The following RAB28 variants were observed in gnomAD, a reference collection of about 807,000 sequenced individuals.
RAB28 encodes ras-related protein Rab-28.
Under a neutral mutation model 31.7 loss-of-function variants are expected in RAB28, and 24 were observed. The observed-to-expected ratio is 0.76, with a 90% CI of 0.55 to 1.06. The LOEUF (loss-of-function observed/expected upper bound fraction) is 1.06, where lower values mean the gene tolerates loss of function less well. Ranked by LOEUF, RAB28 falls within the 50% of genes least tolerant of loss-of-function variation. The pLI is 0.00. For missense variants in RAB28, 254 were observed against 258.5 expected, an observed-to-expected ratio of 0.98 and a Z score of 0.12; for synonymous variants, 100 against 90.4, an observed-to-expected ratio of 1.11 and a Z score of -0.60.
chr4:13,455,223 T>C (rs1715231908), intron 4 of RAB28, among the ~76,000 whole-genome samples: 1 of 152,126 alleles, frequency 6.6e-6, no homozygotes, highest in South Asian at 2.1e-4. Context: ...TCTCCGGACC[T>C]GGGCACAGAC....
chr4:13,375,768 A>ACAC (rs1728894857), intron 6 of RAB28, among the ~76,000 whole-genome samples: 66 of 148,166 alleles, frequency 4.5e-4, no homozygotes, highest in African/African-American at 1.5e-3. Context: ...ATTGTTTTAA[A>ACAC]ACACACACAC....
Position 13,461,142 on chromosome 4 carries a change from G to A in RAB28, c.262-314C>T, listed in dbSNP as rs191694880. 1.7e-3 allele frequency among the ~76,000 whole-genome samples: 257 copies of A among 152,256 alleles called. 5 individuals carry two copies. The highest frequency in any genetic ancestry group is 3.5e-3 in the Admixed American group (53 of 15,298). ...GTAAATATAAGAAAATCATATCAAA[G>A]AAGTAGAAAAGGCTACAACATCTAC... On this transcript the variant is annotated intron_variant, in intron 3 of 6. Coordinates refer to ENST00000330852, the MANE Select transcript of RAB28 (RefSeq NM_001017979.3).
chr4:13,371,331 T>C, intron 6 of RAB28: 2 of 985,304 alleles, frequency 2.0e-6, no homozygotes, highest in African/African-American at 3.5e-5. Context: ...TATACCATTA[T>C]CTAACCTCCC....
At chr4:13,460,941 G>A in intron 3 of RAB28, 113 bp from the exon 4 acceptor site, 1 of 981,126 alleles carries the variant, frequency 1.0e-6, no homozygotes, top group Non-Finnish European at 1.5e-6. Flanking sequence ...ATACAAATGT[G>A]TAGTGTTTTA....
chr4:13,453,923 T>A (rs1185331342), intron 4 of RAB28, among the ~76,000 whole-genome samples: 2 of 152,208 alleles, frequency 1.3e-5, no homozygotes, highest in Non-Finnish European at 2.9e-5. Flanking sequence ...TTCCTACAAC[T>A]TGTCTCTTCT....
chr4:13,470,508 T>C (rs1325509053), intron 3 of RAB28, among the ~76,000 whole-genome samples: 1 of 152,064 alleles, frequency 6.6e-6, no homozygotes, highest in Non-Finnish European at 1.5e-5. Context: ...ATAGTAGTTA[T>C]GTTCTACCTC....
chr4:13,447,601 C>T (rs1425328203), intron 4 of RAB28, among the ~76,000 whole-genome samples: 2 of 152,008 alleles, frequency 1.3e-5, no homozygotes, highest in African/African-American at 4.8e-5. Flanking sequence ...ACTTCAGGAA[C>T]AATTTAAATT....
intron 4 of RAB28, among the ~76,000 whole-genome samples, chr4:13,436,279 C>T (rs1339225940): frequency 6.6e-6 from 1 of 152,048 alleles, no homozygotes; most frequent in African/African-American, 2.4e-5. Context: ...GGAAGCAATC[C>T]CCGTAAGAAC....
chr4:13,441,320 A>G (rs1354032672), intron 4 of RAB28, among the ~76,000 whole-genome samples: 2 of 152,190 alleles, frequency 1.3e-5, no homozygotes, highest in Non-Finnish European at 2.9e-5. Flanking sequence ...ATCCTAAAGA[A>G]TCACTCGATT....
Position 13,419,903 on chromosome 4 carries a change from G to C in RAB28, c.392-38309C>G, listed in dbSNP as rs534342782. Reference sequence around the variant, plus strand: ...AGAAAGCAAGAAATAACTAAGATCAGAGCAGAACTGAAGGAAATAGAGACA... The same window carrying C: ...AGAAAGCAAGAAATAACTAAGATCACAGCAGAACTGAAGGAAATAGAGACA... On this transcript the variant is annotated intron_variant, in intron 4 of 6. Transcript: ENST00000330852. Among the ~76,000 whole-genome samples, 3 of 151,186 alleles carry C rather than the reference G, an allele frequency of 2.0e-5. 1 individual carries two copies. Among genetic ancestry groups the C allele is most frequent in the African/African-American group, 7.3e-5 (3 of 41,088 alleles).
In RAB28 at chr4:13,425,203, G is replaced by T. The variant is rs1713405842; in HGVS notation, c.391+35496C>A. 1.3e-5 allele frequency among the ~76,000 whole-genome samples: 2 copies of T among 151,992 alleles called. 1 individual carries two copies. Among genetic ancestry groups the T allele is most frequent in the South Asian group, 4.2e-4 (2 of 4,816 alleles). The stretch of plus-strand genomic sequence containing the variant: ...TACACACTCAGTATCAAAGATTTTT[G>T]ATACCAACACTCCTGGTATCAAAAC... On this transcript the variant is annotated intron_variant, in intron 4 of 6. Coordinates refer to ENST00000330852, the MANE Select transcript of RAB28 (RefSeq NM_001017979.3).
At chr4:13,479,319 T>C in intron 2 of RAB28, 111 bp downstream of exon 2, 1 of 702,212 alleles carries the variant, frequency 1.4e-6, no homozygotes, top group Non-Finnish European at 2.4e-6. Context: ...TTACTGTTTA[T>C]ATACATCTTC....
chr4:13,425,075 A>C (rs1713399852), intron 4 of RAB28, among the ~76,000 whole-genome samples: 1 of 152,128 alleles, frequency 6.6e-6, no homozygotes, highest in Non-Finnish European at 1.5e-5. Context: ...TTGTTGCTAA[A>C]TCCAGCAGTA....
intron 4 of RAB28, among the ~76,000 whole-genome samples, chr4:13,410,911 TAAAAG>T (rs1475923606): frequency 6.6e-6 from 1 of 151,610 alleles, no homozygotes; most frequent in African/African-American, 2.4e-5. Flanking sequence ...AAAGAAAAAA[TAAAAG>T]AAAGGGAGAA....
rs548984411 is a variant in RAB28 at position 13,424,376 on chromosome 4, C to T, written c.391+36323G>A. 6.6e-5 allele frequency among the ~76,000 whole-genome samples: 10 copies of T among 152,308 alleles called. 1 individual carries two copies. Among genetic ancestry groups the T allele is most frequent in the Admixed American group, 3.3e-4 (5 of 15,308 alleles). On this transcript the variant is annotated intron_variant, in intron 4 of 6. Transcript: ENST00000330852. ...CATTCCTTGGCTTGTAGCTGCATCA[C>T]TCCAATCTCTGCCTCCATCTTCACA...
At position 13,474,386 on chromosome 4, in the gene RAB28, G is replaced by C; in HGVS notation, c.193C>G (p.Gln65Glu). The part of the protein sequence containing the change: ...TLPGNLNVTL[Q>E]IWDIGGQTIG... ...GTCTGCCCTCCTATATCCCAAATTT[G>C]AAGGGTAACATTCAAGTTTCCTAGA... The change falls in exon 3 of 7, where the codon CAA (glutamine) becomes GAA (glutamate). Residue 65 changes from glutamine to glutamate, a missense_variant. Physicochemically the swap from Gln to Glu is conservative, Grantham distance 29. Transcript: ENST00000330852. The C allele has an allele frequency of 6.3e-7, 1 of 1,588,344 alleles. No homozygotes were observed. Among genetic ancestry groups the C allele is most frequent in the African/African-American group, 1.4e-5 (1 of 74,054 alleles).
intron 4 of RAB28, among the ~76,000 whole-genome samples, chr4:13,437,020 C>A (rs1014789167): frequency 6.6e-6 from 1 of 152,092 alleles, no homozygotes; most frequent in East Asian, 1.9e-4. Flanking sequence ...GACACATAGA[C>A]CAATTGAACA....
At chr4:13,450,019 T>G (rs1285555918) in intron 4 of RAB28, among the ~76,000 whole-genome samples, 4 of 151,872 alleles carry the variant, frequency 2.6e-5, no homozygotes, top group Non-Finnish European at 5.9e-5. Context: ...TTATAAAACA[T>G]TGAACTTAAA....
chr4:13,431,064 C>T (rs1447200685), intron 4 of RAB28, among the ~76,000 whole-genome samples: 1 of 152,166 alleles, frequency 6.6e-6, no homozygotes, highest in Non-Finnish European at 1.5e-5. Flanking sequence ...CATGGTAGCT[C>T]CACCGTCAGC....
Sources: allele counts gnomAD v4.1 joint callset (sites outside exome capture counted in the v4.1 genomes callset), GRCh38; gene constraint gnomAD v4.1.1; transcripts MANE v1.5; gene names NCBI Gene and HGNC (gene_info 2026-07-23, HGNC 2026-07-21).